MEP1B: variants seen among roughly 807,000 people sequenced by gnomAD.
The protein encoded by MEP1B is meprin A subunit beta.
In MEP1B, 80 loss-of-function variants were observed where a neutral mutation model predicts 84.6. The ratio of observed to expected loss-of-function variants is 0.95; its 90% CI spans 0.79 to 1.14. The LOEUF is 1.14. MEP1B is among the 50% of genes most tolerant of loss of function. The pLI, the probability that MEP1B is intolerant of heterozygous loss-of-function variation, is 0.00. For missense variants in MEP1B, 766 were observed against 855.1 expected (o/e 0.90, Z 1.30); for synonymous variants, 273 against 288.1 (o/e 0.95, Z 0.53).
rs182505785 is a variant in MEP1B, at chr18:32,203,431, T to C, written c.368+421T>C. ...CTTGAGCTCAGCAATTCTGAGTGGT[T>C]GCTGTCCCTGTAAAACCCTTGTTAA... On this transcript the variant is annotated intron_variant, in intron 6 of 14. Transcript: ENST00000269202. Among the ~76,000 whole-genome samples, 28 of 152,328 alleles carry C rather than the reference T, an allele frequency of 1.8e-4. No individual in the cohort carries two copies. In the East Asian group the frequency reaches 5.4e-3, roughly 29 times the overall value.
chr18:32,198,952 T>G (rs1028953590), intron 5 of MEP1B, among the ~76,000 whole-genome samples: 1 of 152,124 alleles, frequency 6.6e-6, no homozygotes, highest in Admixed American at 6.6e-5. Context: ...ATTTAGTGAT[T>G]GACTGTAAGA....
At chr18:32,207,639 A>C (rs992898868) in intron 8 of MEP1B, among the ~76,000 whole-genome samples, 169 bp downstream of exon 8, 1 of 152,230 alleles carries the variant, frequency 6.6e-6, no homozygotes, top group Non-Finnish European at 1.5e-5. Flanking sequence ...ACTTGGAAGC[A>C]GCATTTTTCT....
intron 7 of MEP1B, among the ~76,000 whole-genome samples, chr18:32,205,117 A>G (rs189512755): frequency 6.6e-6 from 1 of 152,312 alleles, no homozygotes; most frequent in African/African-American, 2.4e-5. Context: ...GGTTGACAGG[A>G]ATTGTAAATC....
At chr18:32,194,923 T>C (rs999738716) in intron 4 of MEP1B, among the ~76,000 whole-genome samples, 28 of 152,200 alleles carry the variant, frequency 1.8e-4, no homozygotes, top group Non-Finnish European at 3.5e-4. Flanking sequence ...TCTAGGACAA[T>C]ATTCAATTTG....
Position 32,210,632 on chromosome 18 carries a change from G to C in MEP1B, c.1051G>C (p.Glu351Gln), listed in dbSNP as rs1278761374. Residue 351 changes from glutamate to glutamine, a missense_variant, in exon 10 of 15, where the codon GAA becomes CAA. Glu to Gln is a conservative substitution (Grantham distance 29). Transcript: ENST00000269202. ...LQFYLYNSGSESDQLNIYIRE... is the reference protein window; with the variant it reads ...LQFYLYNSGSQSDQLNIYIRE... The stretch of plus-strand genomic sequence containing the variant: ...ATTTTACTTATATAACAGTGGCAGT[G>C]AAAGTGATCAACTGAACATCTATAT... 1 of 1,613,954 alleles carries C rather than the reference G, an allele frequency of 6.2e-7. No individual in the cohort carries two copies. The highest frequency in any genetic ancestry group is 1.1e-5 in the South Asian group (1 of 91,088).
chr18:32,207,172 A>G (rs1034820623), intron 7 of MEP1B, 80 bp from the exon 8 acceptor site: 1 of 905,226 alleles, frequency 1.1e-6, no homozygotes. Context: ...TATATTCTCC[A>G]TTTCTAAGTG....
At chr18:32,195,346 C>A in intron 4 of MEP1B, 61 bp from the exon 5 acceptor site, 1 of 1,027,860 alleles carries the variant, frequency 9.7e-7, no homozygotes. Context: ...AGATTAACTA[C>A]AGGTTTCCTA....
At chr18:32,199,943 T>G (rs368135250) in intron 5 of MEP1B, among the ~76,000 whole-genome samples, 3 of 152,136 alleles carry the variant, frequency 2.0e-5, no homozygotes, top group African/African-American at 7.2e-5. Flanking sequence ...CATCCAGTTA[T>G]ATTTCTTTTT....
At chr18:32,203,072 A>T in intron 6 of MEP1B, 62 bp downstream of exon 6, 1 of 930,298 alleles carries the variant, frequency 1.1e-6, no homozygotes, top group Non-Finnish European at 1.7e-6. Context: ...GGGACATTAC[A>T]TTGCAGCAAT....
intron 9 of MEP1B, 139 bp downstream of exon 9, chr18:32,208,410 C>A: frequency 1.2e-6 from 1 of 840,152 alleles, no homozygotes; most frequent in Non-Finnish European, 1.7e-6. Flanking sequence ...GAGAAGTAGG[C>A]CTTGCACCTG....
At position 32,213,254 on chromosome 18, in the gene MEP1B, C is replaced by T. The variant is rs1300591398; in HGVS notation, c.1274C>T (p.Thr425Ile). The T allele has an allele frequency of 1.9e-6, 3 of 1,614,008 alleles. No individual in the cohort carries two copies. The highest frequency in any genetic ancestry group is 2.5e-6 in the Non-Finnish European group (3 of 1,179,876). ...LSIDDINLSE[T>I]RCPHHIWHIR... The stretch of plus-strand genomic sequence containing the variant: ...ATTGATGACATCAATCTTTCGGAAA[C>T]ACGGTGCCCTCATCATATCTGGCAT... The change falls in exon 11 of 15, where the codon ACA becomes ATA. Residue 425 changes from threonine to isoleucine, a missense_variant. Physicochemically the swap from Thr to Ile is moderately conservative, Grantham distance 89 (BLOSUM62 -1). Coordinates refer to ENST00000269202, the MANE Select transcript of MEP1B (RefSeq NM_005925.3).
At chr18:32,192,624 G>A (rs530833866) in intron 2 of MEP1B, 22 bp from the exon 3 acceptor site, 8 of 1,600,572 alleles carry the variant, frequency 5.0e-6, no homozygotes, top group Non-Finnish European at 5.1e-6. Context: ...TCAATTTTTT[G>A]TTGTTGTTGT....
Position 32,196,674 on chromosome 18 carries a change from C to A in MEP1B, c.250+1189C>A. 2 of 663,346 alleles carry A rather than the reference C, an allele frequency of 3.0e-6. No individual in the cohort carries two copies. Among genetic ancestry groups the A allele is most frequent in the Middle Eastern group, 2.7e-4 (1 of 3,652 alleles). 41.1% of individuals were successfully genotyped at this position (663,346 alleles called of 1,614,324 possible). Reference sequence around the variant, plus strand: ...GCCACCTCGGGGTGTCTTCCCCAAGCACCAGCGCATGAGGTAGTGGGCGCC... The same window carrying A: ...GCCACCTCGGGGTGTCTTCCCCAAGAACCAGCGCATGAGGTAGTGGGCGCC... On this transcript the variant is annotated intron_variant, in intron 5 of 14. Coordinates refer to ENST00000269202, the MANE Select transcript of MEP1B (RefSeq NM_005925.3). The surrounding 1 kb of genome is among the most constrained non-coding windows in gnomAD (Gnocchi z 4.4).
At chr18:32,208,514 G>A (rs1336770664) in intron 9 of MEP1B, among the ~76,000 whole-genome samples, 2 of 152,084 alleles carry the variant, frequency 1.3e-5, no homozygotes, top group Admixed American at 6.5e-5. Context: ...CTACCAGTGC[G>A]TTCCCATAGG....
intron 14 of MEP1B, 106 bp from the exon 15 acceptor site, chr18:32,220,125 G>A: frequency 9.3e-7 from 1 of 1,073,126 alleles, no homozygotes; most frequent in East Asian, 2.6e-5. Flanking sequence ...CCAGGAGACT[G>A]CTGATGGGGA....
At chr18:32,192,556 C>G in intron 2 of MEP1B, 90 bp from the exon 3 acceptor site, 2 of 1,203,844 alleles carry the variant, frequency 1.7e-6, no homozygotes, top group South Asian at 2.6e-5. Flanking sequence ...CCAAAAGAAA[C>G]TTGCTTAGTT....
intron 1 of MEP1B, among the ~76,000 whole-genome samples, chr18:32,190,763 G>C (rs1208746479): frequency 1.3e-5 from 2 of 152,062 alleles, no homozygotes; most frequent in Non-Finnish European, 2.9e-5. Context: ...GTGTAATTAG[G>C]AATAAATCCT....
rs1447415498 is a variant in MEP1B, at chr18:32,213,238, A to T, written c.1258A>T (p.Ile420Phe). The change falls in exon 11 of 15, where the codon ATC becomes TTC. Residue 420 changes from isoleucine (I) to phenylalanine (F), a missense_variant. Physicochemically the swap from Ile to Phe is conservative, Grantham distance 21 (BLOSUM62 0). Transcript: ENST00000269202. ...ACTGGGTGGTCTGTCTATTGATGAC[A>T]TCAATCTTTCGGAAACACGGTGCCC... ...ASLGGLSIDD[I>F]NLSETRCPHH... The T allele has an allele frequency of 3.1e-6, 5 of 1,614,028 alleles. No individual in the cohort carries two copies. The highest frequency in any genetic ancestry group is 4.2e-6 in the Non-Finnish European group (5 of 1,179,872).
In MEP1B at chr18:32,207,244, T is replaced by C; in HGVS notation, c.548-8T>C. ...ACATCAAGTAAAGATTTTTTATTTA[T>C]CCTTTAGGCAGAGAGCACAATTTTA... On this transcript the variant is annotated splice_polypyrimidine_tract_variant and splice_region_variant and intron_variant, in intron 7 of 14. Transcript: ENST00000269202. The C allele has an allele frequency of 1.9e-6, 3 of 1,573,132 alleles. No individual in the cohort carries two copies. The highest frequency in any genetic ancestry group is 2.6e-6 in the Non-Finnish European group (3 of 1,146,418).
Sources: gnomAD v4.1 joint callset for allele counts (sites outside exome capture counted in the v4.1 genomes callset) on GRCh38, gnomAD v4.1.1 for gene constraint, Gnocchi (gnomAD v3.1) non-coding constraint, MANE v1.5 for transcripts, NCBI Gene and HGNC (gene_info 2026-07-23, HGNC 2026-07-21) for gene names.